Variants in PTPRG observed in about 807,000 individuals in gnomAD.
PTPRG encodes protein tyrosine phosphatase receptor type G.
A neutral mutation model predicts 165.3 loss-of-function variants in PTPRG; 102 were observed. The observed-to-expected ratio is 0.62, with a 90% CI of 0.53 to 0.73. The LOEUF is 0.73. Ranked by LOEUF, PTPRG falls within the 30% of genes least tolerant of loss-of-function variation. PTPRG has a pLI of 0.00. For synonymous variants in PTPRG, 675 were observed against 669.5 expected (o/e 1.01, Z -0.13); for missense variants, 1,866 against 1,861.4 (o/e 1.00, Z -0.05).
At position 62,203,099 on chromosome 3, in the gene PTPRG, A is replaced by T; in HGVS notation, c.1378-74A>T. 2.8e-5 allele frequency: 42 copies of T among 1,516,114 alleles called. No homozygotes were observed. The highest frequency in any genetic ancestry group is 3.7e-5 in the Non-Finnish European group (42 of 1,132,300). 93.9% of individuals were successfully genotyped at this position (1,516,114 alleles called of 1,614,324 possible). On this transcript the variant is annotated intron_variant, in intron 11 of 29. Coordinates refer to ENST00000474889, the MANE Select transcript of PTPRG (RefSeq NM_002841.4). The surrounding 1 kb of genome is among the most constrained non-coding windows in gnomAD (Gnocchi z 6.4). The stretch of plus-strand genomic sequence containing the variant: ...GGTGACAACCAGGGCCTCATTCCCA[A>T]TCTCAATTACTGATGCTTCTCTGCT...
intron 2 of PTPRG, among the ~76,000 whole-genome samples, chr3:61,828,365 A>G (rs2036172264): frequency 6.6e-6 from 1 of 152,232 alleles, no homozygotes; most frequent in African/African-American, 2.4e-5. Flanking sequence ...GTGTTGCACA[A>G]CTATAACATA....
At chr3:62,045,564 G>T (rs1700262017) in intron 4 of PTPRG, among the ~76,000 whole-genome samples, 3 of 152,162 alleles carry the variant, frequency 2.0e-5, no homozygotes. Flanking sequence ...CTTATAAATG[G>T]CACAGGGAAG....
chr3:61,666,955 C>T, intron 1 of PTPRG, among the ~76,000 whole-genome samples: 1 of 152,168 alleles, frequency 6.6e-6, no homozygotes, highest in East Asian at 1.9e-4. Flanking sequence ...ATTGTTTTTA[C>T]ATTTAGTAAA....
chr3:62,191,616 A>G lies in PTPRG; in HGVS notation c.1181A>G (p.Lys394Arg). 2 of 1,614,164 alleles carry G rather than the reference A, an allele frequency of 1.2e-6. No homozygotes were observed. ...SYSWTKNEDE[K>R]EKTFTKDSDK... ...AGCTGGACCAAGAATGAGGACGAGAAGGAGAAGACGTTTACAAAGGACAGC... is the reference window on the plus strand; with the variant it reads ...AGCTGGACCAAGAATGAGGACGAGAGGGAGAAGACGTTTACAAAGGACAGC... Residue 394 changes from lysine to arginine, a missense_variant, in exon 9 of 30, where the codon AAG becomes AGG. This residue lies in a region of PTPRG where 1,452 missense variants were observed against 1,463.0 expected (regional missense o/e 0.99). Coordinates refer to ENST00000474889, the MANE Select transcript of PTPRG (RefSeq NM_002841.4).
rs1412879537 is a variant in PTPRG, at chr3:62,293,507, G to GA, written c.*203dup. 2 of 438,212 alleles carry GA rather than the reference G, an allele frequency of 4.6e-6. No homozygotes were observed. Among genetic ancestry groups the GA allele is most frequent in the Non-Finnish European group, 8.0e-6 (2 of 251,304 alleles). The allele number at this position is 438,212 out of a possible 1,614,324, so 27.1% of individuals were successfully genotyped here. ...TGCACCTCTGTTCATTTCACACAGTGAAACGCAATTTTACCTAGTTTGCAC... is the reference window on the plus strand; with the variant it reads ...TGCACCTCTGTTCATTTCACACAGTGAAAACGCAATTTTACCTAGTTTGCAC... On this transcript the variant is annotated 3_prime_UTR_variant, in exon 30 of 30. Transcript: ENST00000474889.
chr3:61,997,085 T>G (rs1166513659), intron 3 of PTPRG, among the ~76,000 whole-genome samples: 1 of 152,226 alleles, frequency 6.6e-6, no homozygotes, highest in African/African-American at 2.4e-5. Flanking sequence ...TCCACCTTGT[T>G]CATCTCACTC....
intron 10 of PTPRG, among the ~76,000 whole-genome samples, chr3:62,196,245 T>A (rs1261953933): frequency 1.3e-5 from 2 of 151,562 alleles, no homozygotes; most frequent in African/African-American, 4.8e-5. Flanking sequence ...AAACAAAAAT[T>A]AGCTGGGCTT....
intron 5 of PTPRG, among the ~76,000 whole-genome samples, chr3:62,111,022 T>C (rs1478561348): frequency 6.6e-6 from 1 of 152,182 alleles, no homozygotes; most frequent in East Asian, 1.9e-4. Flanking sequence ...CTGTGGGAAG[T>C]GATTCTAGCT....
At chr3:61,944,734 T>G (rs1017121265) in intron 2 of PTPRG, among the ~76,000 whole-genome samples, 1 of 152,212 alleles carries the variant, frequency 6.6e-6, no homozygotes. Context: ...CCCACTGGAA[T>G]GTACTATCAC....
At chr3:62,122,951 AG>A (rs1703132840) in intron 5 of PTPRG, among the ~76,000 whole-genome samples, 1 of 152,172 alleles carries the variant, frequency 6.6e-6, no homozygotes, top group Non-Finnish European at 1.5e-5. Context: ...CTAGATCATC[AG>A]TTCTATGAGG....
intron 6 of PTPRG, among the ~76,000 whole-genome samples, chr3:62,152,362 A>T (rs1412511087): frequency 6.6e-6 from 1 of 152,144 alleles, no homozygotes; most frequent in South Asian, 2.1e-4. Context: ...TCTAATTTAT[A>T]CAAACAAAAA....
chr3:61,683,920 G>T (rs921671585), intron 1 of PTPRG, among the ~76,000 whole-genome samples: 1 of 152,170 alleles, frequency 6.6e-6, no homozygotes, highest in Non-Finnish European at 1.5e-5. Flanking sequence ...TCGTCTTGGG[G>T]CTGTGATTAG....
intron 4 of PTPRG, among the ~76,000 whole-genome samples, chr3:62,073,194 A>G (rs1268603336): frequency 1.3e-5 from 2 of 152,242 alleles, no homozygotes; most frequent in Non-Finnish European, 2.9e-5. Context: ...AGGGAAAGCA[A>G]TTCCTTACTC....
At chr3:61,972,427 A>T (rs567481718) in intron 2 of PTPRG, among the ~76,000 whole-genome samples, 2 of 142,938 alleles carry the variant, frequency 1.4e-5, no homozygotes, top group African/African-American at 5.1e-5. Context: ...GGTGAGTGAC[A>T]TGATCTGACT....
intron 6 of PTPRG, among the ~76,000 whole-genome samples, chr3:62,148,918 A>G (rs1045483096): frequency 3.7e-4 from 56 of 152,276 alleles, no homozygotes; most frequent in Non-Finnish European, 7.4e-4. Context: ...ATCCCTTCCC[A>G]TGTCACACAC....
chr3:61,696,374 C>A (rs556154830), intron 1 of PTPRG, among the ~76,000 whole-genome samples: 11 of 152,084 alleles, frequency 7.2e-5, no homozygotes, highest in Non-Finnish European at 1.5e-4. Context: ...TGGTGGCAGG[C>A]GCCTGTAATC....
intron 28 of PTPRG, among the ~76,000 whole-genome samples, chr3:62,286,137 A>C (rs1223543408): frequency 6.6e-6 from 1 of 152,176 alleles, no homozygotes; most frequent in African/African-American, 2.4e-5. Flanking sequence ...TTTGGCCCTG[A>C]GATCAAAGAG....
At chr3:62,068,382 C>G (rs1464726921) in intron 4 of PTPRG, among the ~76,000 whole-genome samples, 1 of 152,096 alleles carries the variant, frequency 6.6e-6, no homozygotes, top group South Asian at 2.1e-4. Context: ...CAGGTAAGTT[C>G]AATCTGACCA....
chr3:62,150,543 T>C (rs889332136), intron 6 of PTPRG, among the ~76,000 whole-genome samples: 2 of 152,220 alleles, frequency 1.3e-5, no homozygotes, highest in African/African-American at 4.8e-5. Context: ...ATCTTCCATT[T>C]CTAATGACTT....
Sources: gnomAD v4.1 joint callset for allele counts (sites outside exome capture counted in the v4.1 genomes callset) on GRCh38, gnomAD v4.1.1 for gene constraint, gnomAD v4.1.1 regional missense constraint, Gnocchi (gnomAD v3.1) non-coding constraint, MANE v1.5 for transcripts, NCBI Gene and HGNC (gene_info 2026-07-23, HGNC 2026-07-21) for gene names.